Variants in MAPKAP1 observed in about 807,000 individuals in gnomAD.
MAPKAP1 encodes the protein target of rapamycin complex 2 subunit MAPKAP1.
MAPKAP1 carries 20 observed loss-of-function variants against 65.7 expected under a neutral mutation model. The observed-to-expected ratio is 0.30, with a 90% confidence interval of 0.21 to 0.44. MAPKAP1 has a LOEUF of 0.44. MAPKAP1 is among the 20% of genes least tolerant of loss of function. MAPKAP1 has a pLI of 1.00. For missense variants in MAPKAP1, 423 were observed against 648.0 expected (o/e 0.65, Z 3.77); for synonymous variants, 222 against 244.3 (o/e 0.91, Z 0.85).
chr9:125,440,201 T>C (rs1852429266), intron 11 of MAPKAP1, among the ~76,000 whole-genome samples: 4 of 152,172 alleles, frequency 2.6e-5, no homozygotes, highest in Non-Finnish European at 5.9e-5. Flanking sequence ...CTGGCACTGC[T>C]CGGAGTGCCT....
chr9:125,467,774 C>T (rs372735905), intron 10 of MAPKAP1, among the ~76,000 whole-genome samples, 198 bp downstream of exon 10: 1 of 152,186 alleles, frequency 6.6e-6, no homozygotes, highest in East Asian at 1.9e-4. Context: ...GCCATCAAGA[C>T]CGAACAGGAT....
At chr9:125,520,940 C>T (rs1426860262) in intron 7 of MAPKAP1, among the ~76,000 whole-genome samples, 1 of 152,220 alleles carries the variant, frequency 6.6e-6, no homozygotes, top group Non-Finnish European at 1.5e-5. Flanking sequence ...TCCAATCCCT[C>T]ATCCCCATCA....
chr9:125,559,864 G>A (rs1830842329), intron 5 of MAPKAP1, 55 bp from the exon 6 acceptor site: 4 of 1,546,536 alleles, frequency 2.6e-6, no homozygotes, highest in South Asian at 1.2e-5. Context: ...GGGACAAGAA[G>A]ACCAGAGGGT....
intron 9 of MAPKAP1, among the ~76,000 whole-genome samples, chr9:125,481,977 A>G (rs113745028): frequency 0.028 from 4,205 of 151,660 alleles, 105 homozygotes; most frequent in Non-Finnish European, 0.039. Flanking sequence ...TAAAAATACA[A>G]AAACATTAGC....
intron 4 of MAPKAP1, among the ~76,000 whole-genome samples, chr9:125,653,286 G>GGCTCT (rs1833943521): frequency 6.6e-6 from 1 of 152,138 alleles, no homozygotes; most frequent in Non-Finnish European, 1.5e-5. Context: ...ACATGACATA[G>GGCTCT]AGCCTTCATA....
At chr9:125,627,881 C>T (rs909049508) in intron 4 of MAPKAP1, among the ~76,000 whole-genome samples, 4 of 152,178 alleles carry the variant, frequency 2.6e-5, no homozygotes, top group Non-Finnish European at 5.9e-5. Context: ...TAATTCACTT[C>T]CTAATTTTAG....
intron 3 of MAPKAP1, among the ~76,000 whole-genome samples, chr9:125,659,487 A>G (rs1834124865): frequency 6.6e-6 from 1 of 152,088 alleles, no homozygotes; most frequent in Non-Finnish European, 1.5e-5. Context: ...AAACAACCAA[A>G]GAGAACTTTT....
At chr9:125,680,733 T>C (rs1237808563) in intron 1 of MAPKAP1, among the ~76,000 whole-genome samples, 1 of 152,240 alleles carries the variant, frequency 6.6e-6, no homozygotes, top group Non-Finnish European at 1.5e-5. Flanking sequence ...GTATAAATAC[T>C]GGCCTGCCCC....
At chr9:125,659,694 C>G (rs1315172350) in intron 3 of MAPKAP1, among the ~76,000 whole-genome samples, 1 of 146,520 alleles carries the variant, frequency 6.8e-6, no homozygotes, top group African/African-American at 2.5e-5. Flanking sequence ...CACATCAGCA[C>G]ACAGTACTGA....
At chr9:125,496,190 A>C (rs1854939217) in intron 8 of MAPKAP1, among the ~76,000 whole-genome samples, 1 of 152,250 alleles carries the variant, frequency 6.6e-6, no homozygotes. Flanking sequence ...GAACCAGTCC[A>C]CATTAACCAG....
At chr9:125,491,139 C>CA (rs34339738) in intron 8 of MAPKAP1, among the ~76,000 whole-genome samples, 49,780 of 119,654 alleles carry the variant, frequency 0.42, 10,165 homozygotes, top group Middle Eastern at 0.53. Context: ...GACTCCGTCT[C>CA]AAAAAAAAAA....
At chr9:125,548,987 T>A (rs1830507656) in intron 6 of MAPKAP1, among the ~76,000 whole-genome samples, 1 of 152,174 alleles carries the variant, frequency 6.6e-6, no homozygotes. Flanking sequence ...GACTCCCAAG[T>A]CTGTGTTTGT....
At chr9:125,625,255 T>TAAAAAAAAAAAAAAAAAAAAAAAA (rs58671780) in intron 4 of MAPKAP1, among the ~76,000 whole-genome samples, 19 of 64,666 alleles carry the variant, frequency 2.9e-4, no homozygotes, top group African/African-American at 4.2e-4. Context: ...AATAAATAAA[T>TAAAAAAAAAAAAAAAAAAAAAAAA]AAAAAAAAAA....
intron 1 of MAPKAP1, among the ~76,000 whole-genome samples, chr9:125,673,384 GC>G (rs1329418976): frequency 2.6e-5 from 4 of 152,090 alleles, no homozygotes; most frequent in African/African-American, 9.7e-5. Flanking sequence ...GCGCCACCAT[GC>G]CCAGCTAATT....
At chr9:125,443,654 C>T (rs1034248259) in intron 11 of MAPKAP1, among the ~76,000 whole-genome samples, 4 of 152,014 alleles carry the variant, frequency 2.6e-5, no homozygotes, top group Admixed American at 2.0e-4. Context: ...CCACACTCCA[C>T]TCTGCAAGGC....
chr9:125,489,580 G>A (rs754367086), intron 8 of MAPKAP1, among the ~76,000 whole-genome samples: 3 of 152,042 alleles, frequency 2.0e-5, no homozygotes, highest in Non-Finnish European at 4.4e-5. Context: ...AATGTAGGAA[G>A]GTATGGAGGA....
intron 4 of MAPKAP1, among the ~76,000 whole-genome samples, chr9:125,590,313 C>T (rs1051598313): frequency 4.6e-5 from 7 of 152,144 alleles, no homozygotes; most frequent in South Asian, 2.1e-4. Flanking sequence ...AGGCCAAGAA[C>T]GGGTACTGCA....
At chr9:125,622,931 C>T (rs1015127263) in intron 4 of MAPKAP1, among the ~76,000 whole-genome samples, 4 of 152,132 alleles carry the variant, frequency 2.6e-5, no homozygotes, top group Non-Finnish European at 2.9e-5. Context: ...CTCAGTCTGC[C>T]GAATGCCTGC....
At chr9:125,641,653 C>A (rs1054346730) in intron 4 of MAPKAP1, among the ~76,000 whole-genome samples, 1 of 152,168 alleles carries the variant, frequency 6.6e-6, no homozygotes, top group Non-Finnish European at 1.5e-5. Flanking sequence ...CACCTGTAAT[C>A]CCAGGACTTT....
Sources: allele counts gnomAD v4.1 joint callset (sites outside exome capture counted in the v4.1 genomes callset), GRCh38; gene constraint gnomAD v4.1.1; transcripts MANE v1.5; gene names NCBI Gene and HGNC (gene_info 2026-07-23, HGNC 2026-07-21).